The following SLC10A7 variants were observed in gnomAD, a reference collection of about 807,000 sequenced individuals.
SLC10A7 encodes the protein solute carrier family 10 member 7.
In SLC10A7, 29 loss-of-function variants were observed where a neutral mutation model predicts 43.2. The observed-to-expected ratio is 0.67, with a 90% confidence interval of 0.50 to 0.92. SLC10A7 has a LOEUF of 0.92. Ranked by LOEUF, SLC10A7 falls within the 40% of genes least tolerant of loss-of-function variation. The pLI is 0.00. For missense variants in SLC10A7, 295 were observed against 403.2 expected (o/e 0.73, Z 2.30); for synonymous variants, 152 against 144.8 (o/e 1.05, Z -0.35).
chr4:146,326,934 A>G (rs1246503927), intron 5 of SLC10A7, among the ~76,000 whole-genome samples: 1 of 93,572 alleles, frequency 1.1e-5, no homozygotes. Flanking sequence ...ACACACACAC[A>G]CACACACACA....
intron 5 of SLC10A7, among the ~76,000 whole-genome samples, chr4:146,334,690 C>T (rs1405891925): frequency 1.3e-5 from 2 of 151,916 alleles, no homozygotes; most frequent in African/African-American, 4.8e-5. Context: ...GGGAAGGAGC[C>T]CTAGCACAGC....
intron 5 of SLC10A7, among the ~76,000 whole-genome samples, chr4:146,374,406 T>C (rs979816321): frequency 6.6e-6 from 1 of 151,826 alleles, no homozygotes; most frequent in Non-Finnish European, 1.5e-5. Flanking sequence ...CTGGGCAACA[T>C]GGTGAAATTC....
At chr4:146,482,803 T>C (rs1418968678) in intron 4 of SLC10A7, among the ~76,000 whole-genome samples, 1 of 152,052 alleles carries the variant, frequency 6.6e-6, no homozygotes, top group Non-Finnish European at 1.5e-5. Context: ...ATAATCAAAC[T>C]GTCAAAAGTC....
At chr4:146,295,651 G>T (rs1034099066) in intron 7 of SLC10A7, among the ~76,000 whole-genome samples, 7 of 152,048 alleles carry the variant, frequency 4.6e-5, no homozygotes, top group Non-Finnish European at 1.0e-4. Flanking sequence ...CACTAGGGTT[G>T]GTGGGTAGCT....
intron 5 of SLC10A7, among the ~76,000 whole-genome samples, chr4:146,424,962 TA>T (rs1320825665): frequency 6.6e-6 from 1 of 152,136 alleles, no homozygotes; most frequent in Non-Finnish European, 1.5e-5. Context: ...ATTTAATCAT[TA>T]AAAAAAGTTC....
rs566469003 is a variant in SLC10A7 at position 146,263,732 on chromosome 4, G to A, written c.848-4895C>T. On this transcript the variant is annotated intron_variant, in intron 10 of 11. Transcript: ENST00000335472. Reference sequence around the variant, plus strand: ...ATGCACGCATTTACAATTTTACAGGGACTTTAAGCTGTCATGCTGAAAAAT... The same window carrying A: ...ATGCACGCATTTACAATTTTACAGGAACTTTAAGCTGTCATGCTGAAAAAT... Among the ~76,000 whole-genome samples the A allele has an allele frequency of 2.6e-4, 39 of 152,272 alleles. 1 individual carries two copies. In the South Asian group the frequency reaches 7.9e-3, roughly 31 times the overall value.
intron 4 of SLC10A7, among the ~76,000 whole-genome samples, chr4:146,492,859 A>G (rs1280502752): frequency 2.0e-5 from 3 of 152,112 alleles, no homozygotes; most frequent in African/African-American, 7.2e-5. Flanking sequence ...TTTTTTCCCA[A>G]AATATTTTCA....
chr4:146,331,989 T>A (rs1733568440), intron 5 of SLC10A7, among the ~76,000 whole-genome samples: 1 of 152,152 alleles, frequency 6.6e-6, no homozygotes, highest in Non-Finnish European at 1.5e-5. Context: ...AGCATGAATG[T>A]CAAGATACAT....
chr4:146,366,665 C>T (rs550069749), intron 5 of SLC10A7, among the ~76,000 whole-genome samples: 1 of 152,292 alleles, frequency 6.6e-6, no homozygotes, highest in African/African-American at 2.4e-5. Context: ...TGGCTGCTCA[C>T]TGATGAAATT....
chr4:146,437,244 T>C (rs750363073), intron 5 of SLC10A7, among the ~76,000 whole-genome samples: 23 of 152,118 alleles, frequency 1.5e-4, no homozygotes, highest in Non-Finnish European at 2.8e-4. Flanking sequence ...CCAGCTTTTA[T>C]GATGTTCACT....
intron 6 of SLC10A7, among the ~76,000 whole-genome samples, chr4:146,314,223 T>C (rs1732172839): frequency 6.6e-6 from 1 of 152,174 alleles, no homozygotes; most frequent in South Asian, 2.1e-4. Flanking sequence ...CAAGTAACCA[T>C]AGTAGCTACT....
intron 10 of SLC10A7, among the ~76,000 whole-genome samples, chr4:146,269,969 C>G (rs1728794313): frequency 6.6e-6 from 1 of 152,156 alleles, no homozygotes. Context: ...TAATTACCTT[C>G]CAGTGGTAAT....
Position 146,340,306 on chromosome 4 carries a change from G to C in SLC10A7, c.436-14310C>G, listed in dbSNP as rs1434505183. ...ACTGTCTTATCAGTTTATAAGAACT[G>C]GTCAATGGACTTTTTTTGGTATAAA... On this transcript the variant is annotated intron_variant, in intron 5 of 11. Transcript: ENST00000335472. 2.6e-5 allele frequency among the ~76,000 whole-genome samples: 4 copies of C among 151,754 alleles called. No individual in the cohort carries two copies. In the East Asian group the frequency reaches 7.7e-4, roughly 29 times the overall value.
rs146176501 is a variant in SLC10A7 at position 146,462,639 on chromosome 4, A to C, written c.397-19818T>G. Among the ~76,000 whole-genome samples the C allele has an allele frequency of 7.2e-3, 1,095 of 152,318 alleles. 17 individuals are homozygous for C. Among genetic ancestry groups the C allele is most frequent in the African/African-American group, 0.025 (1,030 of 41,572 alleles). On this transcript the variant is annotated intron_variant, in intron 4 of 11. Transcript: ENST00000335472. ...GTAAAACACTAGTCAGTAAGCAGTG[A>C]AGCACTAAATCGACTTCAAATTCTT...
intron 4 of SLC10A7, chr4:146,477,947 T>C (rs1235123925): frequency 6.6e-6 from 1 of 152,190 alleles, no homozygotes; most frequent in African/African-American, 2.4e-5. Context: ...GGCTTAGAGA[T>C]TTCAATCAAG....
At chr4:146,381,357 C>T (rs1003737355) in intron 5 of SLC10A7, among the ~76,000 whole-genome samples, 15 of 152,100 alleles carry the variant, frequency 9.9e-5, no homozygotes, top group Non-Finnish European at 1.5e-5. Context: ...TAGGAACCCT[C>T]CCCTCACCCC....
At chr4:146,460,153 C>T (rs2149934045) in intron 4 of SLC10A7, among the ~76,000 whole-genome samples, 1 of 151,960 alleles carries the variant, frequency 6.6e-6, no homozygotes, top group East Asian at 1.9e-4. Flanking sequence ...CACTATTTAC[C>T]AGCAAGAAGG....
At chr4:146,466,558 T>C (rs1020089918) in intron 4 of SLC10A7, among the ~76,000 whole-genome samples, 2 of 152,196 alleles carry the variant, frequency 1.3e-5, no homozygotes, top group African/African-American at 2.4e-5. Flanking sequence ...GGGGACAAAA[T>C]CTGTTTTTCT....
At chr4:146,305,858 T>A (rs1731533046) in intron 7 of SLC10A7, 68 bp downstream of exon 7, 1 of 1,365,122 alleles carries the variant, frequency 7.3e-7, no homozygotes, top group African/African-American at 1.5e-5. Flanking sequence ...TCTCAACTGC[T>A]CTGACATTAT....
Sources: allele counts gnomAD v4.1 joint callset (sites outside exome capture counted in the v4.1 genomes callset), GRCh38; gene constraint gnomAD v4.1.1; transcripts MANE v1.5; gene names NCBI Gene and HGNC (gene_info 2026-07-23, HGNC 2026-07-21).